ELAPOR2: variants seen among roughly 807,000 people sequenced by gnomAD.
The protein encoded by ELAPOR2 is endosome-lysosome associated apoptosis and autophagy regulator family member 2.
ELAPOR2 carries 89 observed loss-of-function variants against 120.7 expected under a neutral mutation model. The observed-to-expected ratio is 0.74, with a 90% CI of 0.62 to 0.88. The LOEUF (loss-of-function observed/expected upper bound fraction) is 0.88. ELAPOR2 is among the 40% of genes least tolerant of loss of function. ELAPOR2 has a pLI of 0.00. For missense variants in ELAPOR2, 1,134 were observed against 1,251.6 expected, an observed-to-expected ratio of 0.91 and a Z score of 1.42; for synonymous variants, 444 against 444.9, an observed-to-expected ratio of 1.00 and a Z score of 0.03.
intron 1 of ELAPOR2, among the ~76,000 whole-genome samples, chr7:86,984,508 A>C (rs1372352853): frequency 1.3e-5 from 2 of 152,232 alleles, no homozygotes; most frequent in Admixed American, 6.5e-5. Context: ...GTGCAAACAA[A>C]TTAGAACTCA....
chr7:86,918,879 C>G (rs1414026596), intron 11 of ELAPOR2, among the ~76,000 whole-genome samples: 2 of 152,038 alleles, frequency 1.3e-5, no homozygotes, highest in East Asian at 1.9e-4. Context: ...ACCAAGAGAA[C>G]TGAGAAAAAA....
intron 1 of ELAPOR2, among the ~76,000 whole-genome samples, chr7:87,028,902 T>C (rs1794336021): frequency 6.6e-6 from 1 of 152,174 alleles, no homozygotes; most frequent in African/African-American, 2.4e-5. Flanking sequence ...GGGGTCACTC[T>C]CCTCTGAACA....
At chr7:87,018,671 CAG>C (rs1289715203) in intron 1 of ELAPOR2, among the ~76,000 whole-genome samples, 1 of 152,112 alleles carries the variant, frequency 6.6e-6, no homozygotes, top group African/African-American at 2.4e-5. Context: ...CAGACAAATA[CAG>C]AGAGAAACTA....
intron 1 of ELAPOR2, among the ~76,000 whole-genome samples, chr7:87,050,336 T>A (rs1727896821): frequency 6.6e-6 from 1 of 152,152 alleles, no homozygotes; most frequent in Non-Finnish European, 1.5e-5. Flanking sequence ...GGATTGCTCA[T>A]GGCTTGGTGC....
At chr7:87,042,783 A>G (rs1047942013) in intron 1 of ELAPOR2, among the ~76,000 whole-genome samples, 1 of 152,202 alleles carries the variant, frequency 6.6e-6, no homozygotes, top group Non-Finnish European at 1.5e-5. Flanking sequence ...AAGGAAATAG[A>G]GACACAAAAA....
chr7:87,058,911 G>A (rs1795346788), intron 1 of ELAPOR2, among the ~76,000 whole-genome samples: 1 of 152,028 alleles, frequency 6.6e-6, no homozygotes, highest in Admixed American at 6.5e-5. Context: ...AGGGGGAGGA[G>A]GAGCGGGAAA....
chr7:86,957,084 G>A (rs1791502239), intron 2 of ELAPOR2, among the ~76,000 whole-genome samples: 1 of 152,048 alleles, frequency 6.6e-6, no homozygotes, highest in Non-Finnish European at 1.5e-5. Flanking sequence ...CAAACAATAC[G>A]ATTGACCTAA....
At chr7:87,035,488 G>A (rs1794558895) in intron 1 of ELAPOR2, among the ~76,000 whole-genome samples, 1 of 152,122 alleles carries the variant, frequency 6.6e-6, no homozygotes, top group Non-Finnish European at 1.5e-5. Context: ...TCATGTCATG[G>A]CCCCCTCAAG....
rs556266848 is a variant in ELAPOR2 at position 86,995,577 on chromosome 7, C to T, written c.190-30553G>A. ...TGCAAGCTATATGATGCAATAACAA[C>T]GTAAGACCTGGCTCCCTGTTATCCT... is the stretch of plus-strand genomic sequence containing the variant. On this transcript the variant is annotated intron_variant, in intron 1 of 21. Coordinates refer to ENST00000450689, the MANE Select transcript of ELAPOR2 (RefSeq NM_001142749.3). Among the ~76,000 whole-genome samples the T allele has an allele frequency of 1.2e-4, 19 of 152,232 alleles. 1 individual carries two copies. The South Asian group carries it at 2.7e-3, about 22-fold the overall frequency.
chr7:86,933,166 T>C (rs1448887516), intron 8 of ELAPOR2, among the ~76,000 whole-genome samples: 1 of 144,966 alleles, frequency 6.9e-6, no homozygotes, highest in Admixed American at 6.7e-5. Flanking sequence ...CAAGTTGATA[T>C]TGATTTATCA....
At chr7:87,013,824 G>A (rs1793773934) in intron 1 of ELAPOR2, among the ~76,000 whole-genome samples, 1 of 152,048 alleles carries the variant, frequency 6.6e-6, no homozygotes, top group Non-Finnish European at 1.5e-5. Context: ...AATTTTACTT[G>A]CTAAAATTTA....
intron 2 of ELAPOR2, among the ~76,000 whole-genome samples, chr7:86,955,573 A>C (rs1791437659): frequency 6.6e-6 from 1 of 152,162 alleles, no homozygotes; most frequent in Non-Finnish European, 1.5e-5. Flanking sequence ...GAGAATATTC[A>C]TGAGCATTAA....
chr7:86,904,089 G>A lies in ELAPOR2; in HGVS notation c.2558+3581C>T, dbSNP rs139013043. Among the ~76,000 whole-genome samples, 225 of 152,270 alleles carry A rather than the reference G, an allele frequency of 1.5e-3. 1 individual carries two copies. The highest frequency in any genetic ancestry group is 2.7e-3 in the Non-Finnish European group (183 of 68,018). On this transcript the variant is annotated intron_variant, in intron 18 of 21. Coordinates refer to ENST00000450689, the MANE Select transcript of ELAPOR2 (RefSeq NM_001142749.3). ...TATTCCATCGTGACTATGCCACACTGCAGCTATACAACCTGGCGCATCAGT... is the reference window on the plus strand; with the variant it reads ...TATTCCATCGTGACTATGCCACACTACAGCTATACAACCTGGCGCATCAGT...
At chr7:86,963,615 G>T (rs1791797922) in intron 2 of ELAPOR2, among the ~76,000 whole-genome samples, 1 of 152,120 alleles carries the variant, frequency 6.6e-6, no homozygotes, top group African/African-American at 2.4e-5. Flanking sequence ...CAAGGAATTA[G>T]CCCACAAATG....
At chr7:87,023,089 T>C (rs1794116685) in intron 1 of ELAPOR2, among the ~76,000 whole-genome samples, 1 of 152,232 alleles carries the variant, frequency 6.6e-6, no homozygotes, top group South Asian at 2.1e-4. Context: ...TTTGTCAATT[T>C]TGGCTTTTGT....
At chr7:87,038,123 T>C (rs1353697119) in intron 1 of ELAPOR2, among the ~76,000 whole-genome samples, 1 of 152,226 alleles carries the variant, frequency 6.6e-6, no homozygotes, top group East Asian at 1.9e-4. Flanking sequence ...AAACACACTC[T>C]TAGAACCAAG....
At position 86,877,022 on chromosome 7, in the gene ELAPOR2, C is replaced by T. The variant is rs1799194170; in HGVS notation, c.*3449G>A. ...AGTTGAGTAAATGCAATAGAGCCCA[C>T]ATGCCCTGCAAAGCCAAAACTATGT... On this transcript the variant is annotated 3_prime_UTR_variant, in exon 22 of 22. Coordinates refer to ENST00000450689, the MANE Select transcript of ELAPOR2 (RefSeq NM_001142749.3). 1 of 152,132 alleles carries T rather than the reference C, an allele frequency of 6.6e-6. No homozygotes were observed. The highest frequency in any genetic ancestry group is 2.4e-5 in the African/African-American group (1 of 41,438). 9.4% of individuals were successfully genotyped at this position (152,132 alleles called of 1,614,324 possible). A position where few individuals can be genotyped will look rare whatever the true frequency, so the allele number is the denominator to read the frequency against.
At chr7:87,031,816 G>C (rs1292669323) in intron 1 of ELAPOR2, among the ~76,000 whole-genome samples, 1 of 152,050 alleles carries the variant, frequency 6.6e-6, no homozygotes, top group Non-Finnish European at 1.5e-5. Flanking sequence ...ATAACAAATT[G>C]TGTATAGCCA....
intron 10 of ELAPOR2, among the ~76,000 whole-genome samples, chr7:86,921,558 A>G (rs1789830841): frequency 6.6e-6 from 1 of 152,060 alleles, no homozygotes; most frequent in Admixed American, 6.6e-5. Context: ...TTGATTTCAG[A>G]CTTCTGGCCT....
Sources: allele counts gnomAD v4.1 joint callset (sites outside exome capture counted in the v4.1 genomes callset), GRCh38; gene constraint gnomAD v4.1.1; transcripts MANE v1.5; gene names NCBI Gene and HGNC (gene_info 2026-07-23, HGNC 2026-07-21).